Variants in DCLK1 observed in about 807,000 individuals in gnomAD.
DCLK1 encodes the protein serine/threonine-protein kinase DCLK1.
DCLK1 carries 16 observed loss-of-function variants against 86.2 expected under a neutral mutation model. That is an observed-to-expected ratio of 0.19 (90% confidence interval 0.13 to 0.28). The LOEUF (loss-of-function observed/expected upper bound fraction) is 0.28. Ranked by LOEUF, DCLK1 falls within the 10% of genes least tolerant of loss-of-function variation. The pLI, the probability that DCLK1 is intolerant of heterozygous loss-of-function variation, is 1.00. For synonymous variants in DCLK1, 369 were observed against 370.5 expected (o/e 1.00, Z 0.05); for missense variants, 590 against 940.2 (o/e 0.63, Z 4.87).
At chr13:35,781,175 C>T (rs868802476) in intron 16 of DCLK1, among the ~76,000 whole-genome samples, 1 of 152,152 alleles carries the variant, frequency 6.6e-6, no homozygotes, top group Non-Finnish European at 1.5e-5. Context: ...TAGGTTTTGC[C>T]GGTCTGAGTC....
chr13:35,810,389 A>G (rs1593613517), intron 12 of DCLK1, among the ~76,000 whole-genome samples: 1 of 152,182 alleles, frequency 6.6e-6, no homozygotes, highest in African/African-American at 2.4e-5. Flanking sequence ...TTTGTACTCC[A>G]CGGAAAATCA....
At chr13:35,886,865 CAAA>C (rs1873299437) in intron 4 of DCLK1, among the ~76,000 whole-genome samples, 1 of 152,074 alleles carries the variant, frequency 6.6e-6, no homozygotes, top group Admixed American at 6.5e-5. Context: ...AACCTGGAGA[CAAA>C]AATCTCACAG....
chr13:36,082,978 C>G (rs1435701997), intron 3 of DCLK1, among the ~76,000 whole-genome samples: 1 of 151,384 alleles, frequency 6.6e-6, no homozygotes, highest in Non-Finnish European at 1.5e-5. Context: ...GGAATGGGCT[C>G]TGTCCACAAA....
intron 5 of DCLK1, among the ~76,000 whole-genome samples, chr13:35,865,799 C>T (rs1474313660): frequency 6.6e-6 from 1 of 152,140 alleles, no homozygotes; most frequent in Non-Finnish European, 1.5e-5. Flanking sequence ...ACAGAGGATT[C>T]CCATTCTTGT....
intron 3 of DCLK1, among the ~76,000 whole-genome samples, chr13:36,022,610 T>G (rs1024243570): frequency 6.6e-6 from 1 of 152,000 alleles, no homozygotes; most frequent in Non-Finnish European, 1.5e-5. Context: ...TGCAGAAATA[T>G]AAAGGATTAA....
chr13:36,045,330 GTGTATATATATATATATATATATATA>G (rs1434347922), intron 3 of DCLK1, among the ~76,000 whole-genome samples: 574 of 56,600 alleles, frequency 0.01, 17 homozygotes, highest in African/African-American at 0.038. Flanking sequence ...GTGTGTGTGT[GTGTATATATATATATATATATATATA>G]TATATATATA....
intron 3 of DCLK1, among the ~76,000 whole-genome samples, chr13:36,079,752 G>A (rs1884349343): frequency 6.6e-6 from 1 of 152,078 alleles, no homozygotes; most frequent in South Asian, 2.1e-4. Flanking sequence ...AAAAAAAATT[G>A]TTTCAAGCAT....
chr13:36,106,491 A>G lies in DCLK1; in HGVS notation c.723+5378T>C, dbSNP rs927944378. Among the ~76,000 whole-genome samples the G allele has an allele frequency of 1.4e-4, 22 of 152,206 alleles. 1 individual carries two copies. The highest frequency in any genetic ancestry group is 3.3e-4 in the Admixed American group (5 of 15,284). On this transcript the variant is annotated intron_variant, in intron 3 of 16. Transcript: ENST00000360631. The stretch of plus-strand genomic sequence containing the variant: ...TTTTAATTTGACATTTTAAAGTGTA[A>G]GCTAAATTACTTGTATCAACTGTTT...
intron 6 of DCLK1, chr13:35,846,989 C>CCAA: frequency 3.0e-6 from 3 of 985,126 alleles, no homozygotes; most frequent in Non-Finnish European, 3.6e-6. Flanking sequence ...TATTTATGTT[C>CCAA]CAACATTATA....
chr13:35,810,143 A>C (rs896519453), intron 12 of DCLK1, among the ~76,000 whole-genome samples: 1 of 152,192 alleles, frequency 6.6e-6, no homozygotes, highest in Non-Finnish European at 1.5e-5. Context: ...TCCTGACTCA[A>C]CCACTAAAAC....
At chr13:35,831,086 G>T (rs1868923210) in intron 8 of DCLK1, among the ~76,000 whole-genome samples, 1 of 152,052 alleles carries the variant, frequency 6.6e-6, no homozygotes, top group African/African-American at 2.4e-5. Context: ...AGGGGAAGAG[G>T]GCAGCAAACC....
At position 35,823,022 on chromosome 13, in the gene DCLK1, A is replaced by G; in HGVS notation, c.1408-147T>C. 3 of 956,582 alleles carry G rather than the reference A, an allele frequency of 3.1e-6. No homozygotes were observed. In the South Asian group the frequency reaches 5.1e-5, roughly 16 times the overall value. The allele number at this position is 956,582 out of a possible 1,614,324, so 59.3% of individuals were successfully genotyped here. On this transcript the variant is annotated intron_variant, in intron 10 of 16. Coordinates refer to ENST00000360631, the MANE Select transcript of DCLK1 (RefSeq NM_001330071.2). ...AGGCTTTTCCTGCTACTTTCCTTTC[A>G]AAGGCTCGAAGGCTGAATGGTGATT...
chr13:35,955,913 T>A (rs1207589602), intron 3 of DCLK1, among the ~76,000 whole-genome samples: 1 of 152,142 alleles, frequency 6.6e-6, no homozygotes, highest in Non-Finnish European at 1.5e-5. Flanking sequence ...TATTTAAGAA[T>A]AGAATACTAA....
intron 3 of DCLK1, among the ~76,000 whole-genome samples, chr13:35,996,500 C>T (rs766983014): frequency 2.3e-4 from 35 of 152,136 alleles, no homozygotes; most frequent in Non-Finnish European, 5.0e-4. Flanking sequence ...AAGCAGACTG[C>T]CCTCTGTAAT....
intron 3 of DCLK1, among the ~76,000 whole-genome samples, chr13:35,991,230 C>T (rs1880204305): frequency 6.6e-6 from 1 of 152,178 alleles, no homozygotes. Context: ...TAAGTTCCCC[C>T]CACTTATTAC....
chr13:36,125,894 G>A lies in DCLK1; in HGVS notation c.244C>T (p.Arg82Ter), dbSNP rs778679656. 1 of 1,614,160 alleles carries A rather than the reference G, an allele frequency of 6.2e-7. No homozygotes were observed. The highest frequency in any genetic ancestry group is 8.5e-7 in the Non-Finnish European group (1 of 1,180,024). Reference protein sequence around the residue: ...IVYAISPDRFRSFEALLADLT... With the variant: ...IVYAISPDRF ...TCAGCCAGCAGGGCCTCAAAAGATC[G>A]GAACCGGTCTGGGGAGATGGCATAC... The change falls in exon 2 of 17, where the codon CGA (arginine) becomes TGA (stop). Residue 82 changes from arginine to a stop codon, truncating the protein, a stop_gained. Transcript: ENST00000360631. LOFTEE classifies it high-confidence loss of function.
At chr13:35,823,445 T>C (rs1039262102) in intron 10 of DCLK1, among the ~76,000 whole-genome samples, 1 of 152,046 alleles carries the variant, frequency 6.6e-6, no homozygotes, top group African/African-American at 2.4e-5. Context: ...TTTTTCAATA[T>C]TGTGCTCCTT....
intron 5 of DCLK1, among the ~76,000 whole-genome samples, chr13:35,868,301 G>A (rs1281087275): frequency 2.0e-5 from 3 of 152,114 alleles, no homozygotes; most frequent in Non-Finnish European, 4.4e-5. Flanking sequence ...GATTACAGGC[G>A]TGAGCCACCG....
chr13:35,847,895 T>C lies in DCLK1; in HGVS notation c.1035+6604A>G. 4 of 985,310 alleles carry C rather than the reference T, an allele frequency of 4.1e-6. No individual in the cohort carries two copies. In the South Asian group the frequency reaches 1.4e-4, roughly 35 times the overall value. The allele number at this position is 985,310 out of a possible 1,614,324, so 61.0% of individuals were successfully genotyped here. A position where few individuals can be genotyped will look rare whatever the true frequency, so the allele number is the denominator to read the frequency against. ...CAGAAACTGTCTAGATTTTTCCCCC[T>C]GCCTAGTTGATTAAACAAGACAAAA... On this transcript the variant is annotated intron_variant, in intron 6 of 16. Coordinates refer to ENST00000360631, the MANE Select transcript of DCLK1 (RefSeq NM_001330071.2).
Sources: allele counts gnomAD v4.1 joint callset (sites outside exome capture counted in the v4.1 genomes callset), GRCh38; gene constraint gnomAD v4.1.1; transcripts MANE v1.5; gene names NCBI Gene and HGNC (gene_info 2026-07-23, HGNC 2026-07-21).